TANC1: variants seen among roughly 807,000 people sequenced by gnomAD.
TANC1 encodes the protein protein TANC1.
Under a neutral mutation model 149.7 loss-of-function variants are expected in TANC1, and 77 were observed. The ratio of observed to expected loss-of-function variants is 0.51; its 90% CI spans 0.43 to 0.62. The LOEUF (loss-of-function observed/expected upper bound fraction) is 0.62, where lower values mean the gene tolerates loss of function less well. Among genes scored for constraint, TANC1 ranks in the 20% least tolerant of loss-of-function variants. TANC1 has a pLI of 0.00. For missense variants in TANC1, 1,985 were observed against 2,321.8 expected, an observed-to-expected ratio of 0.85 and a Z score of 2.98; for synonymous variants, 854 against 925.0, an observed-to-expected ratio of 0.92 and a Z score of 1.39.
At chr2:158,970,965 T>C (rs1385968154) in intron 1 of TANC1, among the ~76,000 whole-genome samples, 1 of 152,260 alleles carries the variant, frequency 6.6e-6, no homozygotes, top group African/African-American at 2.4e-5. Context: ...ATTATTATAA[T>C]TTATATCCAT....
chr2:159,129,171 G>A (rs1358828712), intron 4 of TANC1, among the ~76,000 whole-genome samples: 1 of 152,146 alleles, frequency 6.6e-6, no homozygotes, highest in Non-Finnish European at 1.5e-5. Flanking sequence ...GGTGTTCTGT[G>A]TCCCAAATAT....
intron 2 of TANC1, among the ~76,000 whole-genome samples, chr2:159,012,192 G>A (rs1559130671): frequency 6.6e-6 from 1 of 152,178 alleles, no homozygotes; most frequent in Non-Finnish European, 1.5e-5. Flanking sequence ...TTTTACTTGA[G>A]ATACCAGCTT....
intron 1 of TANC1, among the ~76,000 whole-genome samples, chr2:158,981,488 CT>C (rs1232013389): frequency 0.34 from 25,950 of 75,550 alleles, 5,041 homozygotes; most frequent in East Asian, 0.55. Flanking sequence ...TAATATATAG[CT>C]TTTATATATA....
intron 1 of TANC1, among the ~76,000 whole-genome samples, chr2:158,969,125 G>T (rs842072): frequency 0.28 from 41,958 of 152,074 alleles, 6,160 homozygotes; most frequent in East Asian, 0.48. Context: ...CGAGTTCTGG[G>T]ACCACCCCCG....
chr2:159,083,036 C>T (rs1394852163), intron 3 of TANC1, among the ~76,000 whole-genome samples: 1 of 152,188 alleles, frequency 6.6e-6, no homozygotes, highest in Non-Finnish European at 1.5e-5. Context: ...ACCTCCACCA[C>T]CTGGGTTCAA....
Position 159,006,504 on chromosome 2 carries a change from T to C in TANC1, c.-16+5315T>C, listed in dbSNP as rs574108797. ...TTACAATCCTTTAAGTAAAATACTT[T>C]TTGCTCATACCTGCAACATTTGTAA... On this transcript the variant is annotated intron_variant, in intron 2 of 26. Transcript: ENST00000263635. Among the ~76,000 whole-genome samples, 8 of 152,320 alleles carry C rather than the reference T, an allele frequency of 5.3e-5. No individual in the cohort carries two copies. The East Asian group carries it at 1.5e-3, about 29-fold the overall frequency.
At chr2:159,128,386 G>A (rs893606864) in intron 4 of TANC1, among the ~76,000 whole-genome samples, 53 of 152,204 alleles carry the variant, frequency 3.5e-4, no homozygotes, top group African/African-American at 9.9e-4. Context: ...GCTGCGTTTT[G>A]TCATTCCCTG....
intron 1 of TANC1, among the ~76,000 whole-genome samples, chr2:158,996,978 T>C (rs2036189105): frequency 7.0e-6 from 1 of 143,686 alleles, no homozygotes; most frequent in South Asian, 2.2e-4. Flanking sequence ...ATGCAGACTG[T>C]GGCAAAAAAA....
chr2:159,131,312 A>G (rs2050066255), intron 4 of TANC1, among the ~76,000 whole-genome samples: 1 of 152,196 alleles, frequency 6.6e-6, no homozygotes, highest in African/African-American at 2.4e-5. Flanking sequence ...GAGCCTTTCC[A>G]GAGAATAAAC....
intron 2 of TANC1, among the ~76,000 whole-genome samples, chr2:159,051,974 C>A (rs564362032): frequency 6.6e-6 from 1 of 152,268 alleles, no homozygotes; most frequent in South Asian, 2.1e-4. Context: ...TTATATTTAT[C>A]TTCCTATGGG....
chr2:158,992,669 ATTTTTTT>A (rs70994251), intron 1 of TANC1, among the ~76,000 whole-genome samples: 13 of 112,510 alleles, frequency 1.2e-4, no homozygotes, highest in African/African-American at 4.1e-4. Context: ...TGCCCAGCTA[ATTTTTTT>A]TTTTTTTTTT....
At chr2:159,228,763 G>A (rs979842604) in intron 25 of TANC1, 33 bp from the exon 26 acceptor site, 3 of 1,518,464 alleles carry the variant, frequency 2.0e-6, no homozygotes, top group Non-Finnish European at 2.7e-6. Context: ...TGTCCAGGCT[G>A]CTTCTGACTC....
At position 159,175,058 on chromosome 2, in the gene TANC1, GCCTACA is replaced by G; in HGVS notation, c.1610_1615del (p.Ala537_Arg539delinsGly). On this transcript the variant is annotated inframe_deletion, in exon 12 of 27. Transcript: ENST00000263635. ...GCTCTGCCGGTCCCATCAGCTGGCCGCCTACAGAGACCTTCTGATAAAGGAGCCCCA... is the reference window on the plus strand; with the variant it reads ...GCTCTGCCGGTCCCATCAGCTGGCCGGAGACCTTCTGATAAAGGAGCCCCA... 6.2e-7 allele frequency: 1 copy of G among 1,614,180 alleles called. No individual in the cohort carries two copies. The highest frequency in any genetic ancestry group is 8.5e-7 in the Non-Finnish European group (1 of 1,180,040).
At chr2:159,225,824 G>A (rs1468422756) in intron 24 of TANC1, 45 bp downstream of exon 24, 1 of 1,409,844 alleles carries the variant, frequency 7.1e-7, no homozygotes, top group Middle Eastern at 1.8e-4. Context: ...CTGCCTGGGA[G>A]CACCCTCTTA....
chr2:159,227,067 A>AT (rs2060063052), intron 24 of TANC1: 1 of 152,152 alleles, frequency 6.6e-6, no homozygotes, highest in Admixed American at 6.6e-5. Flanking sequence ...TATGTTGTAG[A>AT]TTTTTTCCTT....
intron 3 of TANC1, among the ~76,000 whole-genome samples, chr2:159,070,668 G>T (rs749125534): frequency 1.6e-4 from 24 of 152,214 alleles, no homozygotes; most frequent in Non-Finnish European, 2.9e-4. Flanking sequence ...GGCCGAACCT[G>T]GTTCACGTGC....
At position 159,214,339 on chromosome 2, in the gene TANC1, G is replaced by C. The variant is rs368097348; in HGVS notation, c.3245-3158G>C. Among the ~76,000 whole-genome samples, 6 of 152,326 alleles carry C rather than the reference G, an allele frequency of 3.9e-5. No individual in the cohort carries two copies. In the South Asian group the frequency reaches 1.0e-3, roughly 26 times the overall value. Reference sequence around the variant, plus strand: ...GGGAAAACTGAAGCTCACAGACCTTGAGGATTTGCCAAGGTCATACATAGC... The same window carrying C: ...GGGAAAACTGAAGCTCACAGACCTTCAGGATTTGCCAAGGTCATACATAGC... On this transcript the variant is annotated intron_variant, in intron 19 of 26. Transcript: ENST00000263635.
At chr2:159,185,714 G>A in intron 14 of TANC1, 77 bp from the exon 15 acceptor site, 1 of 917,964 alleles carries the variant, frequency 1.1e-6, no homozygotes, top group Admixed American at 2.1e-5. Flanking sequence ...TAAGGCAATG[G>A]GTGGTGAATT....
intron 4 of TANC1, among the ~76,000 whole-genome samples, chr2:159,130,473 A>T (rs1574860916): frequency 6.6e-6 from 1 of 152,064 alleles, no homozygotes; most frequent in Non-Finnish European, 1.5e-5. Context: ...TGGCTGCTTT[A>T]TGTGGGGGAG....
Sources: gnomAD v4.1 joint callset for allele counts (sites outside exome capture counted in the v4.1 genomes callset) on GRCh38, gnomAD v4.1.1 for gene constraint, MANE v1.5 for transcripts, NCBI Gene and HGNC (gene_info 2026-07-23, HGNC 2026-07-21) for gene names.